Variants in OPN4 observed in about 807,000 individuals in gnomAD.
OPN4 encodes the protein opsin 4, also known as melanopsin.
In OPN4, 43 loss-of-function variants were observed where a neutral mutation model predicts 49.5. That is an observed-to-expected ratio of 0.87 (90% confidence interval 0.68 to 1.12). The LOEUF is 1.12. Ranked by LOEUF, OPN4 falls within the 50% of genes most tolerant of loss-of-function variation. The pLI is 0.00. For synonymous variants in OPN4, 263 were observed against 258.0 expected (o/e 1.02, Z -0.19); for missense variants, 657 against 643.9 (o/e 1.02, Z -0.22).
At position 86,662,314 on chromosome 10, in the gene OPN4, G is replaced by A. The variant is rs1442277833; in HGVS notation, c.1136G>A (p.Ser379Asn). 2 of 1,607,102 alleles carry A rather than the reference G, an allele frequency of 1.2e-6. No individual in the cohort carries two copies. Among genetic ancestry groups the A allele is most frequent in the Admixed American group, 1.7e-5 (1 of 59,352 alleles). Residue 379 changes from serine (S) to asparagine (N), a missense_variant, in exon 8 of 10, where the codon AGT (serine) becomes AAT (asparagine). Transcript: ENST00000241891. ...CTGCTGGGTGTATCACGCCGGCACA[G>A]TCGCCCCTACCCCAGCTACCGCTCC... ...GVLLGVSRRHSRPYPSYRSTH... is the reference protein window; with the variant it reads ...GVLLGVSRRHNRPYPSYRSTH...
chr10:86,665,810 A>G lies in OPN4; in HGVS notation c.*59A>G. The G allele has an allele frequency of 7.7e-7, 1 of 1,301,800 alleles. No individual in the cohort carries two copies. Among genetic ancestry groups the G allele is most frequent in the Non-Finnish European group, 1.1e-6 (1 of 901,038 alleles). The allele number at this position is 1,301,800 out of a possible 1,614,324, so 80.6% of individuals were successfully genotyped here. ...CATCCAGCCCCCCCACGTCTCCCTC[A>G]TATACACAGACCCAGGATTATGCTG... is the stretch of plus-strand genomic sequence containing the variant. On this transcript the variant is annotated 3_prime_UTR_variant, in exon 10 of 10. Coordinates refer to ENST00000241891, the MANE Select transcript of OPN4 (RefSeq NM_033282.4).
Position 86,654,845 on chromosome 10 carries a change from C to T in OPN4, c.62C>T (p.Ala21Val). The T allele has an allele frequency of 6.5e-7, 1 of 1,548,884 alleles. No individual in the cohort carries two copies. The highest frequency in any genetic ancestry group is 8.8e-7 in the Non-Finnish European group (1 of 1,134,874). The change falls in exon 1 of 10, where the codon GCC becomes GTC. Residue 21 changes from alanine (A) to valine (V), a missense_variant. Coordinates refer to ENST00000241891, the MANE Select transcript of OPN4 (RefSeq NM_033282.4). The part of the protein sequence containing the change: ...PSPTQEPSCM[A>V]TPAPPSWWDS... ...CCAACCCAAGAGCCCAGCTGCATGG[C>T]CACCCCAGCACCACCCAGCTGGTGG...
intron 1 of OPN4, 89 bp downstream of exon 1, chr10:86,655,016 A>G: frequency 2.2e-6 from 3 of 1,376,630 alleles, no homozygotes; most frequent in Non-Finnish European, 3.0e-6. Context: ...TTTGACAGGG[A>G]GATAGAAAAG....
At chr10:86,659,221 A>C in intron 4 of OPN4, 76 bp from the exon 5 acceptor site, 1 of 1,197,180 alleles carries the variant, frequency 8.4e-7, no homozygotes, top group Non-Finnish European at 1.2e-6. Context: ...CCCGAATGCC[A>C]CATACAAAGC....
chr10:86,656,288 A>G lies in OPN4; in HGVS notation c.278A>G (p.Tyr93Cys). 1 of 1,603,394 alleles carries G rather than the reference A, an allele frequency of 6.2e-7. No homozygotes were observed. Among genetic ancestry groups the G allele is most frequent in the Non-Finnish European group, 8.5e-7 (1 of 1,173,134 alleles). The part of the protein sequence containing the change: ...TGMLGNLTVI[Y>C]TFCRSRSLRT... ...ATGCTGGGCAACCTGACGGTCATCT[A>G]TACCTTCTGCAGGTGCCTGGTTGGT... is the stretch of plus-strand genomic sequence containing the variant. Residue 93 changes from tyrosine (Y) to cysteine (C), a missense_variant, in exon 2 of 10, where the codon TAT becomes TGT. Tyr to Cys is a radical substitution (Grantham distance 194, BLOSUM62 -2). Transcript: ENST00000241891.
chr10:86,665,446 T>C (rs1366448411), intron 9 of OPN4, among the ~76,000 whole-genome samples: 1 of 151,516 alleles, frequency 6.6e-6, no homozygotes, highest in African/African-American at 2.4e-5. Flanking sequence ...GATTGGATGG[T>C]GGGGGTGAGG....
Position 86,657,736 on chromosome 10 carries a change from G to A in OPN4, c.291-296G>A, listed in dbSNP as rs185460578. Among the ~76,000 whole-genome samples, 10 of 152,262 alleles carry A rather than the reference G, an allele frequency of 6.6e-5. No homozygotes were observed. In the East Asian group the frequency reaches 1.5e-3, roughly 24 times the overall value. ...GGACATGACCCAAGAACCGGCCTGC[G>A]CTGGGCCACGCCTCAGGTTTTGGAG... On this transcript the variant is annotated intron_variant, in intron 2 of 9. Transcript: ENST00000241891.
At chr10:86,660,081 G>A in intron 6 of OPN4, 22 bp downstream of exon 6, 1 of 1,613,412 alleles carries the variant, frequency 6.2e-7, no homozygotes, top group Admixed American at 1.7e-5. Flanking sequence ...CTAAAGGGTT[G>A]GGGAAGAGGC....
chr10:86,655,004 G>C lies in OPN4; in HGVS notation c.144+77G>C, dbSNP rs35034027. ...GGTCCCCTCCTGGCCACACACAGGG[G>C]CTTTGACAGGGAGATAGAAAAGGTC... On this transcript the variant is annotated intron_variant, in intron 1 of 9. Transcript: ENST00000241891. 1.1e-4 allele frequency: 162 copies of C among 1,444,952 alleles called. No individual in the cohort carries two copies. In the African/African-American group the frequency reaches 2.1e-3, roughly 19 times the overall value. The allele number at this position is 1,444,952 out of a possible 1,614,324, so 89.5% of individuals were successfully genotyped here.
chr10:86,658,926 C>T (rs2014084), intron 4 of OPN4, among the ~76,000 whole-genome samples: 111,594 of 152,068 alleles, frequency 0.73, 41,223 homozygotes, highest in African/African-American at 0.8. Context: ...GCTTTCTGGG[C>T]GGGGCAAAGT....
chr10:86,657,217 G>A (rs769648621), intron 2 of OPN4: 1 of 780,688 alleles, frequency 1.3e-6, no homozygotes, highest in East Asian at 2.4e-5. Flanking sequence ...TGGAGTCACT[G>A]TGATGATGCA....
At chr10:86,660,604 T>A (rs1843979868) in intron 6 of OPN4, among the ~76,000 whole-genome samples, 2 of 152,184 alleles carry the variant, frequency 1.3e-5, no homozygotes, top group South Asian at 2.1e-4. Flanking sequence ...GTGGGGTTTC[T>A]CTACAATAGC....
Position 86,658,603 on chromosome 10 carries a change from G to A in OPN4, c.544G>A (p.Ala182Thr). 2 of 1,614,210 alleles carry A rather than the reference G, an allele frequency of 1.2e-6. No homozygotes were observed. Among genetic ancestry groups the A allele is most frequent in the Non-Finnish European group, 8.5e-7 (1 of 1,180,042 alleles). ...ACGCCCGCTGGCCACCTTTGGTGTG[G>A]CGTCCAAGAGGCGTGCGGCATTTGT... ...ITRPLATFGV[A>T]SKRRAAFVLL... is the part of the protein sequence containing the mutation. Residue 182 changes from alanine (A) to threonine (T), a missense_variant, in exon 4 of 10, where the codon GCG becomes ACG. By Grantham distance (58) the Ala-to-Thr change is moderately conservative. Transcript: ENST00000241891.
Position 86,659,812 on chromosome 10 carries a change from G to C in OPN4, c.801-83G>C, listed in dbSNP as rs1843959676. ...ACGAGTGCCCTGCAAGGATAGTCCAGAGAGGCTCCCCAACAGCAGCCGTGA... is the reference window on the plus strand; with the variant it reads ...ACGAGTGCCCTGCAAGGATAGTCCACAGAGGCTCCCCAACAGCAGCCGTGA... On this transcript the variant is annotated intron_variant, in intron 5 of 9. Coordinates refer to ENST00000241891, the MANE Select transcript of OPN4 (RefSeq NM_033282.4). 1.0e-5 allele frequency: 15 copies of C among 1,440,854 alleles called. No individual in the cohort carries two copies. In the East Asian group the frequency reaches 1.2e-4, roughly 11 times the overall value. The allele number at this position is 1,440,854 out of a possible 1,614,324, so 89.3% of individuals were successfully genotyped here. A position where few individuals can be genotyped will look rare whatever the true frequency, so the allele number is the denominator to read the frequency against.
intron 7 of OPN4, 47 bp downstream of exon 7, chr10:86,661,435 G>A (rs760420747): frequency 1.4e-6 from 2 of 1,436,684 alleles, no homozygotes. Context: ...CAAGGGCCTG[G>A]CCTGCCGATG....
In OPN4 at chr10:86,666,163, G is replaced by T; in HGVS notation, c.*412G>T. On this transcript the variant is annotated 3_prime_UTR_variant, in exon 10 of 10. Transcript: ENST00000241891. ...TCACTGGCATAGGAAGGCCAGCCCC[G>T]CATCTCCCACTGCCAACAGCTGAAG... 4.7e-6 allele frequency: 1 copy of T among 214,146 alleles called. No homozygotes were observed. Among genetic ancestry groups the T allele is most frequent in the Non-Finnish European group, 9.3e-6 (1 of 107,062 alleles). 13.3% of individuals were successfully genotyped at this position (214,146 alleles called of 1,614,324 possible).
chr10:86,664,857 A>T (rs1237162685), intron 9 of OPN4, among the ~76,000 whole-genome samples: 1 of 152,190 alleles, frequency 6.6e-6, no homozygotes, highest in Admixed American at 6.5e-5. Context: ...TGAAAGACAC[A>T]GTGCCTGTCT....
chr10:86,663,698 G>A lies in OPN4; in HGVS notation c.1294G>A (p.Ala432Thr). The A allele has an allele frequency of 6.4e-7, 1 of 1,571,374 alleles. No homozygotes were observed. The highest frequency in any genetic ancestry group is 1.2e-5 in the South Asian group (1 of 83,930). The stretch of plus-strand genomic sequence containing the variant: ...GGAGGCAGCAGCTGTGTGGGGAGCT[G>A]CCCAGCAAGCAAATGGGCGGTCCCT... ...HMEAAAVWGA[A>T]QQANGRSLYG... The change falls in exon 9 of 10, where the codon GCC becomes ACC. Residue 432 changes from alanine (A) to threonine (T), a missense_variant. Physicochemically the swap from Ala to Thr is moderately conservative, Grantham distance 58. Transcript: ENST00000241891.
In OPN4 at chr10:86,662,248, G is replaced by A. The variant is rs1342042423; in HGVS notation, c.1074-4G>A. On this transcript the variant is annotated splice_polypyrimidine_tract_variant and splice_region_variant and intron_variant, in intron 7 of 9. Coordinates refer to ENST00000241891, the MANE Select transcript of OPN4 (RefSeq NM_033282.4). ...GGCCCTAATCAGATGTGCGGCCCCT[G>A]CAGGGTGGCCATTGCCCAGCACCTG... 4 of 1,607,914 alleles carry A rather than the reference G, an allele frequency of 2.5e-6. No homozygotes were observed. The highest frequency in any genetic ancestry group is 2.7e-5 in the African/African-American group (2 of 74,852).
Sources: gnomAD v4.1 joint callset for allele counts (sites outside exome capture counted in the v4.1 genomes callset) on GRCh38, gnomAD v4.1.1 for gene constraint, MANE v1.5 for transcripts, NCBI Gene and HGNC (gene_info 2026-07-23, HGNC 2026-07-21) for gene names.